The following PLCL1 variants were observed in gnomAD, a reference collection of about 807,000 sequenced individuals.
PLCL1 encodes the protein inactive phospholipase C-like protein 1.
A neutral mutation model predicts 84.4 loss-of-function variants in PLCL1; 41 were observed. The observed-to-expected ratio is 0.49, with a 90% CI of 0.38 to 0.63. PLCL1 has a LOEUF of 0.63. Ranked by LOEUF, PLCL1 falls within the 30% of genes least tolerant of loss-of-function variation. PLCL1 has a pLI of 0.00. For synonymous variants in PLCL1, 490 were observed against 488.3 expected, an observed-to-expected ratio of 1.00 and a Z score of -0.05; for missense variants, 1,206 against 1,367.8, an observed-to-expected ratio of 0.88 and a Z score of 1.87.
chr2:197,979,386 A>G (rs906635799), intron 1 of PLCL1, among the ~76,000 whole-genome samples: 16 of 152,176 alleles, frequency 1.1e-4, no homozygotes, highest in Non-Finnish European at 2.1e-4. Context: ...AGTTGTTGCT[A>G]ACGTAGTTCT....
chr2:198,114,448 G>A (rs1437483204), intron 5 of PLCL1, among the ~76,000 whole-genome samples: 2 of 151,776 alleles, frequency 1.3e-5, no homozygotes, highest in East Asian at 1.9e-4. Context: ...TAGACCAGAG[G>A]ACTTGGCTCC....
At chr2:197,897,112 T>C (rs1688152684) in intron 1 of PLCL1, among the ~76,000 whole-genome samples, 1 of 36,726 alleles carries the variant, frequency 2.7e-5, no homozygotes. Context: ...CTTCTTCTTC[T>C]TCTTCTTCTT....
In PLCL1 at chr2:197,985,225, G is replaced by A. The variant is rs530668563; in HGVS notation, c.241-98533G>A. Reference sequence around the variant, plus strand: ...ATAACTCTGAGCCAGTTGGTTAAGCGTGTGAAGTCTCAGTTTCTTTACTTG... The same window carrying A: ...ATAACTCTGAGCCAGTTGGTTAAGCATGTGAAGTCTCAGTTTCTTTACTTG... On this transcript the variant is annotated intron_variant, in intron 1 of 5. Coordinates refer to ENST00000428675, the MANE Select transcript of PLCL1 (RefSeq NM_006226.4). Among the ~76,000 whole-genome samples, 12 of 152,298 alleles carry A rather than the reference G, an allele frequency of 7.9e-5. 1 individual carries two copies. In the South Asian group the frequency reaches 1.0e-3, roughly 13 times the overall value.
intron 1 of PLCL1, among the ~76,000 whole-genome samples, chr2:197,996,971 G>T (rs973105622): frequency 1.3e-5 from 2 of 152,192 alleles, no homozygotes; most frequent in Non-Finnish European, 2.9e-5. Context: ...GCTTGGACAA[G>T]TGTTGAGGGT....
intron 5 of PLCL1, among the ~76,000 whole-genome samples, chr2:198,115,982 A>G (rs192990263): frequency 4.1e-5 from 6 of 147,908 alleles, no homozygotes; most frequent in Admixed American, 1.4e-4. Context: ...AAATATACTT[A>G]TTAAATATAT....
At chr2:197,816,609 A>G (rs1690695380) in intron 1 of PLCL1, among the ~76,000 whole-genome samples, 1 of 152,118 alleles carries the variant, frequency 6.6e-6, no homozygotes, top group African/African-American at 2.4e-5. Flanking sequence ...ATGGACCATT[A>G]CTTAATTATT....
intron 1 of PLCL1, among the ~76,000 whole-genome samples, chr2:198,031,421 A>C (rs1394281529): frequency 6.6e-6 from 1 of 151,888 alleles, no homozygotes; most frequent in Non-Finnish European, 1.5e-5. Context: ...TTACATAATT[A>C]TAGAAATATT....
chr2:198,019,544 G>A (rs1006847571), intron 1 of PLCL1, among the ~76,000 whole-genome samples: 3 of 152,150 alleles, frequency 2.0e-5, no homozygotes, highest in Non-Finnish European at 4.4e-5. Flanking sequence ...GAACATAAAC[G>A]ACCTGATGAA....
intron 1 of PLCL1, among the ~76,000 whole-genome samples, chr2:197,905,717 C>A (rs1688369111): frequency 6.6e-6 from 1 of 152,208 alleles, no homozygotes; most frequent in Admixed American, 6.5e-5. Flanking sequence ...TTCTCCACAG[C>A]CTTGCCAGCA....
chr2:198,072,826 G>GA (rs1178091411), intron 1 of PLCL1, among the ~76,000 whole-genome samples: 1 of 151,928 alleles, frequency 6.6e-6, no homozygotes, highest in Non-Finnish European at 1.5e-5. Flanking sequence ...GAATAAATCT[G>GA]ACTTTTTGAA....
At chr2:198,059,783 C>A (rs1038849792) in intron 1 of PLCL1, among the ~76,000 whole-genome samples, 4 of 152,090 alleles carry the variant, frequency 2.6e-5, no homozygotes, top group Admixed American at 2.6e-4. Flanking sequence ...AGCAGGGAAA[C>A]CTTTGAGAAT....
intron 1 of PLCL1, among the ~76,000 whole-genome samples, chr2:198,046,408 A>G (rs1691792522): frequency 6.6e-6 from 1 of 152,248 alleles, no homozygotes; most frequent in African/African-American, 2.4e-5. Context: ...GAACAGCTCC[A>G]GTCTACAGCT....
At chr2:198,018,112 C>T (rs573636409) in intron 1 of PLCL1, among the ~76,000 whole-genome samples, 1 of 152,242 alleles carries the variant, frequency 6.6e-6, no homozygotes, top group African/African-American at 2.4e-5. Flanking sequence ...CATTGCCTCA[C>T]CCGGGAAGTG....
At chr2:198,060,613 T>C (rs1692173267) in intron 1 of PLCL1, among the ~76,000 whole-genome samples, 1 of 152,230 alleles carries the variant, frequency 6.6e-6, no homozygotes, top group Non-Finnish European at 1.5e-5. Flanking sequence ...GTACATGCTG[T>C]TGGAATCTTG....
chr2:197,893,048 C>G (rs1414325390), intron 1 of PLCL1, among the ~76,000 whole-genome samples: 2 of 152,142 alleles, frequency 1.3e-5, no homozygotes, highest in African/African-American at 2.4e-5. Flanking sequence ...GGAACTTTCA[C>G]AGAATAAGAG....
intron 1 of PLCL1, among the ~76,000 whole-genome samples, chr2:198,065,761 C>T (rs1405205821): frequency 6.6e-6 from 1 of 152,140 alleles, no homozygotes; most frequent in Non-Finnish European, 1.5e-5. Flanking sequence ...TCAGTCTCTG[C>T]CTCACCTTGG....
At chr2:197,807,095 G>T (rs1690501487) in intron 1 of PLCL1, among the ~76,000 whole-genome samples, 1 of 152,130 alleles carries the variant, frequency 6.6e-6, no homozygotes. Context: ...TAAAATTAAA[G>T]ATATTAGAAA....
At chr2:198,141,135 G>A (rs533623204) in intron 5 of PLCL1, among the ~76,000 whole-genome samples, 2 of 152,186 alleles carry the variant, frequency 1.3e-5, no homozygotes, top group Admixed American at 6.5e-5. Context: ...ACTACTCTAC[G>A]ACTATTCATC....
chr2:197,897,188 TC>T (rs1688164586), intron 1 of PLCL1, among the ~76,000 whole-genome samples: 3 of 41,124 alleles, frequency 7.3e-5, no homozygotes, highest in South Asian at 9.4e-4. Flanking sequence ...TTCTTCTTCT[TC>T]TCCTTCTCCT....
Sources: gnomAD v4.1 joint callset for allele counts (sites outside exome capture counted in the v4.1 genomes callset) on GRCh38, gnomAD v4.1.1 for gene constraint, MANE v1.5 for transcripts, NCBI Gene and HGNC (gene_info 2026-07-23, HGNC 2026-07-21) for gene names.